GBX1: variants seen among roughly 807,000 people sequenced by gnomAD.
GBX1 encodes the protein homeobox protein GBX-1.
GBX1 carries 9 observed loss-of-function variants against 22.9 expected under a neutral mutation model. That is an observed-to-expected ratio of 0.39 (90% CI 0.24 to 0.69). GBX1 has a LOEUF of 0.69. GBX1 is among the 30% of genes least tolerant of loss of function. The probability of loss-of-function intolerance (pLI) is 0.43; values close to 1 mark genes in which losing one functional copy is unlikely to be tolerated. For missense variants in GBX1, 494 were observed against 509.2 expected (o/e 0.97, Z 0.29); for synonymous variants, 203 against 227.3 (o/e 0.89, Z 0.96).
chr7:151,149,754 C>T (rs1332882563), intron 1 of GBX1: 1 of 363,794 alleles, frequency 2.7e-6, no homozygotes, highest in Non-Finnish European at 5.5e-6. Context: ...GTTCTGTCTC[C>T]TCCTCTCCCT....
At chr7:151,161,835 G>A (rs1237946593) in intron 1 of GBX1, among the ~76,000 whole-genome samples, 1 of 152,170 alleles carries the variant, frequency 6.6e-6, no homozygotes, top group Non-Finnish European at 1.5e-5. Flanking sequence ...AGTCCAGGTT[G>A]AGAGCTCTAC....
intron 1 of GBX1, among the ~76,000 whole-genome samples, chr7:151,160,880 T>C (rs1433307096): frequency 1.3e-5 from 2 of 152,194 alleles, no homozygotes; most frequent in Non-Finnish European, 2.9e-5. Flanking sequence ...CTACCTTGCA[T>C]AGAGAGCTCT....
At chr7:151,149,839 T>G (rs1004265078) in intron 1 of GBX1, 14 of 445,082 alleles carry the variant, frequency 3.1e-5, no homozygotes, top group Non-Finnish European at 1.8e-5. Flanking sequence ...GTGGCCAGAT[T>G]TTTTCTCCCA....
intron 1 of GBX1, among the ~76,000 whole-genome samples, chr7:151,162,432 C>G (rs1801196152): frequency 2.0e-5 from 3 of 152,062 alleles, no homozygotes; most frequent in African/African-American, 7.2e-5. Flanking sequence ...TACGAGGCTC[C>G]TAGGAAGTCT....
intron 1 of GBX1, chr7:151,149,888 T>C (rs951381582): frequency 5.5e-5 from 25 of 455,816 alleles, no homozygotes; most frequent in African/African-American, 2.8e-4. Context: ...ATCCTTACCC[T>C]TGACCTTAAA....
At chr7:151,149,850 G>A (rs1801058208) in intron 1 of GBX1, 1 of 446,700 alleles carries the variant, frequency 2.2e-6, no homozygotes, top group Non-Finnish European at 4.5e-6. Flanking sequence ...TTTTCTCCCA[G>A]TTACTTAGGC....
At chr7:151,161,267 A>G (rs556084768) in intron 1 of GBX1, among the ~76,000 whole-genome samples, 1 of 152,298 alleles carries the variant, frequency 6.6e-6, no homozygotes, top group East Asian at 1.9e-4. Context: ...CACTCCAAGT[A>G]TAAGAATCCT....
At chr7:151,156,423 AAAAG>A (rs1456406364) in intron 1 of GBX1, among the ~76,000 whole-genome samples, 3 of 150,664 alleles carry the variant, frequency 2.0e-5, no homozygotes, top group Non-Finnish European at 3.0e-5. Flanking sequence ...AAAACGAAAA[AAAAG>A]AGAGAGAAAG....
At chr7:151,156,417 C>T (rs933011256) in intron 1 of GBX1, among the ~76,000 whole-genome samples, 24 of 48,890 alleles carry the variant, frequency 4.9e-4, no homozygotes, top group African/African-American at 1.5e-3. Context: ...AAAAAAAAAA[C>T]GAAAAAAAAG....
rs747866558 is a variant in GBX1 at position 151,148,600 on chromosome 7, C to A, written c.1081G>T (p.Ala361Ser). 3.1e-6 allele frequency: 5 copies of A among 1,612,808 alleles called. No individual in the cohort carries two copies. Among genetic ancestry groups the A allele is most frequent in the East Asian group, 2.2e-5 (1 of 44,870 alleles). The change falls in exon 2 of 2, where the codon GCC becomes TCC. Residue 361 changes from alanine to serine, a missense_variant. Physicochemically the swap from Ala to Ser is moderately conservative, Grantham distance 99. Around this residue, in one of 3 missense-constraint regions of GBX1, gnomAD observed 124 missense variants for 152.0 expected, o/e 0.82. Coordinates refer to ENST00000297537, the MANE Select transcript of GBX1 (RefSeq NM_001098834.3). The surrounding 1 kb of genome is among the most constrained non-coding windows in gnomAD (Gnocchi z 5.1). ...TCTTGGGTGCCCATTCAGGGCCGGG[C>A]CCCCTGCTCCATTTGTTGGTGCTGG... ...RSQHQQMEQG[A>S]RP is the part of the protein sequence containing the mutation.
intron 1 of GBX1, 128 bp downstream of exon 1, chr7:151,166,883 G>T (rs1801258381): frequency 1.2e-6 from 1 of 865,786 alleles, no homozygotes; most frequent in Non-Finnish European, 1.8e-6. Flanking sequence ...GAACCTGCGC[G>T]CGATCTAAAG....
At position 151,167,332 on chromosome 7, in the gene GBX1, G is replaced by C; in HGVS notation, c.217C>G (p.Leu73Val). 3 of 1,514,040 alleles carry C rather than the reference G, an allele frequency of 2.0e-6. No homozygotes were observed. Among genetic ancestry groups the C allele is most frequent in the Non-Finnish European group, 2.6e-6 (3 of 1,134,388 alleles). The allele number at this position is 1,514,040 out of a possible 1,614,324, so 93.8% of individuals were successfully genotyped here. A position where few individuals can be genotyped will look rare whatever the true frequency, so the allele number is the denominator to read the frequency against. ...CCGGCGAAAGAGGCTAGCGGGGCGA[G>C]GGGCGGGAGGCCAGCGGGCAGCGGC... Reference protein sequence around the residue: ...PAPLPAGLPPLAPLASFAGRL... With the variant: ...PAPLPAGLPPVAPLASFAGRL... The change falls in exon 1 of 2, where the codon CTC (leucine) becomes GTC (valine). Residue 73 changes from leucine (L) to valine (V), a missense_variant. This residue lies in a region of GBX1 where 365 missense variants were observed against 340.4 expected (regional missense o/e 1.07). Transcript: ENST00000297537. The surrounding 1 kb of genome is among the most constrained non-coding windows in gnomAD (Gnocchi z 5.9).
intron 1 of GBX1, among the ~76,000 whole-genome samples, chr7:151,153,098 G>A (rs1323467926): frequency 6.6e-6 from 1 of 152,098 alleles, no homozygotes; most frequent in Non-Finnish European, 1.5e-5. Flanking sequence ...AAGAAGTGGG[G>A]TAGAGAAATA....
chr7:151,161,993 TAGAC>T (rs1801192451), intron 1 of GBX1, among the ~76,000 whole-genome samples: 1 of 152,220 alleles, frequency 6.6e-6, no homozygotes, highest in African/African-American at 2.4e-5. Flanking sequence ...TCTGTAGTAA[TAGAC>T]AGACAATAAA....
intron 1 of GBX1, among the ~76,000 whole-genome samples, chr7:151,157,694 TA>T (rs1801151502): frequency 6.6e-6 from 1 of 152,170 alleles, no homozygotes; most frequent in Non-Finnish European, 1.5e-5. Flanking sequence ...CCGCTTCCTT[TA>T]GGTACTGCTT....
intron 1 of GBX1, chr7:151,150,006 A>T (rs1338574809): frequency 2.2e-6 from 1 of 454,808 alleles, no homozygotes; most frequent in Non-Finnish European, 4.4e-6. Context: ...CCTAAGCTTG[A>T]TGTCAGCTGG....
intron 1 of GBX1, chr7:151,150,014 T>C (rs1258184588): frequency 4.4e-6 from 2 of 451,798 alleles, no homozygotes. Context: ...TGATGTCAGC[T>C]GGGAGGACTG....
intron 1 of GBX1, 89 bp downstream of exon 1, chr7:151,166,922 G>T: frequency 7.5e-7 from 1 of 1,325,442 alleles, no homozygotes; most frequent in Non-Finnish European, 1.1e-6. Flanking sequence ...CCAGGCAGGT[G>T]CCGAGGTGCC....
In GBX1 at chr7:151,157,355, T is replaced by C. The variant is rs185625663; in HGVS notation, c.539-8213A>G. Among the ~76,000 whole-genome samples, 227 of 152,268 alleles carry C rather than the reference T, an allele frequency of 1.5e-3. 2 individuals carry two copies. The highest frequency in any genetic ancestry group is 5.2e-3 in the African/African-American group (216 of 41,554). The stretch of plus-strand genomic sequence containing the variant: ...TGTTCTCTAGCTTCTAGTTTACAAC[T>C]TTCTCCCTCATTCCTCATAGAGCTC... On this transcript the variant is annotated intron_variant, in intron 1 of 1. Transcript: ENST00000297537.
Sources: allele counts gnomAD v4.1 joint callset (sites outside exome capture counted in the v4.1 genomes callset), GRCh38; gene constraint gnomAD v4.1.1; regional missense constraint gnomAD v4.1.1; non-coding constraint Gnocchi (gnomAD v3.1); transcripts MANE v1.5; gene names NCBI Gene and HGNC (gene_info 2026-07-23, HGNC 2026-07-21).